Variants in WDR47 observed in about 807,000 individuals in gnomAD.
WDR47 encodes WD repeat-containing protein 47.
In WDR47, 32 loss-of-function variants were observed where a neutral mutation model predicts 97.2. That is an observed-to-expected ratio of 0.33 (90% CI 0.25 to 0.44). WDR47 has a LOEUF of 0.44. Among genes scored for constraint, WDR47 ranks in the 20% least tolerant of loss-of-function variants. The probability of loss-of-function intolerance (pLI) is 1.00; values close to 1 mark genes in which losing one functional copy is unlikely to be tolerated. For missense variants in WDR47, 782 were observed against 1,102.3 expected, an observed-to-expected ratio of 0.71 and a Z score of 4.11; for synonymous variants, 375 against 373.5, an observed-to-expected ratio of 1.00 and a Z score of -0.05.
chr1:109,009,435 CTAAAG>C (rs1365225727), intron 5 of WDR47, among the ~76,000 whole-genome samples: 1 of 152,066 alleles, frequency 6.6e-6, no homozygotes, highest in Admixed American at 6.6e-5. Context: ...ATAAGAATCA[CTAAAG>C]TAAAGTAAGT....
intron 4 of WDR47, among the ~76,000 whole-genome samples, chr1:109,012,572 C>CAAAAAAAAAAAAAAAAAAAAAAAAAAAA (rs57237933): frequency 1.4e-5 from 1 of 73,842 alleles, no homozygotes; most frequent in Non-Finnish European, 2.4e-5. Flanking sequence ...GACTCCATCT[C>CAAAAAAAAAAAAAAAAAAAAAAAAAAAA]AAAAAAAAAA....
intron 1 of WDR47, among the ~76,000 whole-genome samples, chr1:109,037,338 AAAAC>A: frequency 6.7e-6 from 1 of 149,344 alleles, no homozygotes; most frequent in South Asian, 2.1e-4. Context: ...TAAAAAAAAA[AAAAC>A]AAAAAACAAA....
Position 109,011,352 on chromosome 1 carries a change from A to G in WDR47, c.694T>C (p.Leu232=). 6.2e-7 allele frequency: 1 copy of G among 1,614,242 alleles called. No individual in the cohort carries two copies. Among genetic ancestry groups the G allele is most frequent in the Non-Finnish European group, 8.5e-7 (1 of 1,180,048 alleles). Reference sequence around the variant, plus strand: ...AAATCATCACAACCATTACCACATAAGAGGTCGATGCCAAGAAGCACTTCG... The same window carrying G: ...AAATCATCACAACCATTACCACATAGGAGGTCGATGCCAAGAAGCACTTCG... ...ESEVLLGIDL[L]CGNGCDDLDL... is the part of the protein sequence containing the mutation. Residue 232 remains leucine (L), a synonymous_variant, in exon 5 of 15, where the codon TTA becomes CTA. Transcript: ENST00000369962.
intron 10 of WDR47, among the ~76,000 whole-genome samples, chr1:108,984,044 A>G (rs999098941): frequency 2.6e-5 from 4 of 152,186 alleles, no homozygotes; most frequent in Non-Finnish European, 4.4e-5. Context: ...TTTAGTGACA[A>G]TAAAATATAG....
chr1:109,021,527 CA>C (rs370414324), intron 2 of WDR47, among the ~76,000 whole-genome samples: 47 of 123,824 alleles, frequency 3.8e-4, no homozygotes, highest in East Asian at 9.2e-4. Flanking sequence ...GCCTCTATCT[CA>C]AAAAAAAAAA....
chr1:108,976,892 G>C (rs1657944946), intron 13 of WDR47, among the ~76,000 whole-genome samples: 1 of 152,114 alleles, frequency 6.6e-6, no homozygotes, highest in Non-Finnish European at 1.5e-5. Context: ...GACTAGAAGG[G>C]TAAAAATGCC....
chr1:109,001,668 T>C (rs1432918705), intron 7 of WDR47, among the ~76,000 whole-genome samples: 1 of 152,034 alleles, frequency 6.6e-6, no homozygotes, highest in Admixed American at 6.5e-5. Context: ...GGTGGACGGA[T>C]CGCTTGAGGC....
chr1:109,023,140 T>G (rs1285620570), intron 2 of WDR47, among the ~76,000 whole-genome samples: 2 of 151,810 alleles, frequency 1.3e-5, no homozygotes, highest in Non-Finnish European at 2.9e-5. Flanking sequence ...GAGGCGGAGC[T>G]TGCAGTGAGC....
intron 7 of WDR47, among the ~76,000 whole-genome samples, chr1:108,999,741 C>T (rs998805307): frequency 6.6e-6 from 1 of 151,846 alleles, no homozygotes; most frequent in African/African-American, 2.4e-5. Flanking sequence ...ATGAACCTTC[C>T]CGAATAGTTT....
chr1:108,973,973 C>T (rs1213356290), intron 14 of WDR47, among the ~76,000 whole-genome samples: 2 of 151,994 alleles, frequency 1.3e-5, no homozygotes, highest in African/African-American at 2.4e-5. Flanking sequence ...GCAGGCAGAT[C>T]GCTTGAGCTC....
chr1:109,036,302 G>A (rs888844660), intron 1 of WDR47, among the ~76,000 whole-genome samples: 6 of 152,052 alleles, frequency 3.9e-5, no homozygotes, highest in Non-Finnish European at 5.9e-5. Context: ...GGCCAGGCGC[G>A]GTGGCTCACA....
chr1:108,997,188 G>A (rs1306091843), intron 7 of WDR47, among the ~76,000 whole-genome samples: 1 of 151,818 alleles, frequency 6.6e-6, no homozygotes, highest in Non-Finnish European at 1.5e-5. Flanking sequence ...AACTTTGGGA[G>A]GCCAAGGCAG....
chr1:109,013,374 T>C (rs1661184737), intron 4 of WDR47, among the ~76,000 whole-genome samples: 1 of 152,184 alleles, frequency 6.6e-6, no homozygotes, highest in South Asian at 2.1e-4. Flanking sequence ...ACACTGAATC[T>C]TTAAAAGTCA....
rs534040551 is a variant in WDR47, at chr1:109,041,898, G to A, written c.-46C>T. On this transcript the variant is annotated 5_prime_UTR_variant, in exon 1 of 15. Transcript: ENST00000369962. Reference sequence around the variant, plus strand: ...AGGGCAAGCCCGGAGGAGCGGCGGAGGAGAACGCGGCTGGGAGGCCGGCGG... The same window carrying A: ...AGGGCAAGCCCGGAGGAGCGGCGGAAGAGAACGCGGCTGGGAGGCCGGCGG... 2.6e-5 allele frequency: 4 copies of A among 152,586 alleles called. No homozygotes were observed. Among genetic ancestry groups the A allele is most frequent in the African/African-American group, 4.8e-5 (2 of 41,584 alleles). 9.5% of individuals were successfully genotyped at this position (152,586 alleles called of 1,614,324 possible).
intron 1 of WDR47, among the ~76,000 whole-genome samples, chr1:109,032,763 G>A (rs1571259876): frequency 6.6e-6 from 1 of 151,664 alleles, no homozygotes; most frequent in African/African-American, 2.4e-5. Flanking sequence ...CAGGCATGGT[G>A]GCATGTGCCT....
intron 2 of WDR47, 126 bp from the exon 3 acceptor site, chr1:109,017,727 ATTCC>A: frequency 2.7e-6 from 2 of 736,998 alleles, no homozygotes; most frequent in Non-Finnish European, 4.3e-6. Flanking sequence ...ATTTTATTTG[ATTCC>A]TCAAATAAAT....
chr1:109,018,739 C>T (rs1219632885), intron 2 of WDR47, among the ~76,000 whole-genome samples: 1 of 150,428 alleles, frequency 6.6e-6, no homozygotes. Context: ...CACTTGAGCC[C>T]AGATGTCAAG....
intron 5 of WDR47, among the ~76,000 whole-genome samples, chr1:109,005,613 G>T (rs933200767): frequency 6.6e-6 from 1 of 151,888 alleles, no homozygotes; most frequent in Non-Finnish European, 1.5e-5. Flanking sequence ...AGTGGCTTAC[G>T]CCTGTAATCC....
At chr1:109,000,165 C>G (rs1288743206) in intron 7 of WDR47, among the ~76,000 whole-genome samples, 1 of 151,976 alleles carries the variant, frequency 6.6e-6, no homozygotes, top group Non-Finnish European at 1.5e-5. Context: ...GAGCTATGAT[C>G]ACACCACTGC....
Sources: gnomAD v4.1 joint callset for allele counts (sites outside exome capture counted in the v4.1 genomes callset) on GRCh38, gnomAD v4.1.1 for gene constraint, MANE v1.5 for transcripts, NCBI Gene and HGNC (gene_info 2026-07-23, HGNC 2026-07-21) for gene names.